The following TCERG1L variants were observed in gnomAD, a reference collection of about 807,000 sequenced individuals.
TCERG1L encodes the protein transcription elongation regulator 1-like protein.
In TCERG1L, 37 loss-of-function variants were observed where a neutral mutation model predicts 56.3. The ratio of observed to expected loss-of-function variants is 0.66; its 90% CI spans 0.51 to 0.87. TCERG1L has a LOEUF of 0.87. TCERG1L is among the 40% of genes least tolerant of loss of function. The probability of loss-of-function intolerance (pLI) is 0.00; values close to 1 mark genes in which losing one functional copy is unlikely to be tolerated. For missense variants in TCERG1L, 799 were observed against 774.2 expected (o/e 1.03, Z -0.38); for synonymous variants, 324 against 326.3 (o/e 0.99, Z 0.08).
At chr10:131,185,392 C>T (rs1259261819) in intron 4 of TCERG1L, among the ~76,000 whole-genome samples, 11 of 152,054 alleles carry the variant, frequency 7.2e-5, no homozygotes, top group Admixed American at 7.2e-4. Flanking sequence ...AACTGCATCT[C>T]ATCAAAATTA....
At chr10:131,230,995 C>T (rs934191989) in intron 4 of TCERG1L, among the ~76,000 whole-genome samples, 2 of 134,584 alleles carry the variant, frequency 1.5e-5, no homozygotes, top group African/African-American at 7.6e-5. Flanking sequence ...GTTTAGGGTA[C>T]CCCTGAGCAC....
At chr10:131,095,059 A>G (rs1164881861) in intron 11 of TCERG1L, among the ~76,000 whole-genome samples, 2 of 152,214 alleles carry the variant, frequency 1.3e-5, no homozygotes, top group Non-Finnish European at 2.9e-5. Context: ...CACGAAGGTC[A>G]GCTGATTCAC....
At chr10:131,257,259 T>A (rs1292680049) in intron 4 of TCERG1L, among the ~76,000 whole-genome samples, 3 of 151,926 alleles carry the variant, frequency 2.0e-5, no homozygotes, top group Non-Finnish European at 4.4e-5. Flanking sequence ...CAGATCCCCG[T>A]GAAGCAGAGG....
chr10:131,281,993 A>G (rs533753569), intron 3 of TCERG1L, among the ~76,000 whole-genome samples: 32 of 152,032 alleles, frequency 2.1e-4, no homozygotes, highest in Non-Finnish European at 2.4e-4. Flanking sequence ...AAAATTAGCC[A>G]GGCGCGGTGG....
At chr10:131,200,865 G>A (rs1019620276) in intron 4 of TCERG1L, among the ~76,000 whole-genome samples, 2 of 152,100 alleles carry the variant, frequency 1.3e-5, no homozygotes, top group Admixed American at 6.5e-5. Context: ...TTTAGGAGTC[G>A]CTTAGATCAC....
chr10:131,215,609 T>C (rs1845662455), intron 4 of TCERG1L, among the ~76,000 whole-genome samples: 2 of 152,090 alleles, frequency 1.3e-5, no homozygotes, highest in African/African-American at 2.4e-5. Context: ...TCGGGAGAGT[T>C]AGGCTCTGAG....
At chr10:131,278,998 G>A (rs866408912) in intron 3 of TCERG1L, among the ~76,000 whole-genome samples, 19 of 152,076 alleles carry the variant, frequency 1.2e-4, no homozygotes, top group South Asian at 2.1e-4. Context: ...GAGAAAGTCC[G>A]TCTCCCTCAC....
chr10:131,291,717 C>T (rs71478081), intron 3 of TCERG1L, among the ~76,000 whole-genome samples: 11,821 of 151,798 alleles, frequency 0.078, 574 homozygotes, highest in South Asian at 0.22. Context: ...TGAGCCACCG[C>T]GCCCGGCCTC....
At chr10:131,115,321 G>A (rs77424025) in intron 9 of TCERG1L, among the ~76,000 whole-genome samples, 1,964 of 152,342 alleles carry the variant, frequency 0.013, 45 homozygotes, top group African/African-American at 0.045. Context: ...AGACCAAGTT[G>A]GGAGAAACTA....
chr10:131,285,484 G>T (rs1846516698), intron 3 of TCERG1L, among the ~76,000 whole-genome samples: 1 of 17,564 alleles, frequency 5.7e-5, no homozygotes, highest in Non-Finnish European at 1.8e-4. Context: ...AAGAAAGAAA[G>T]AAAGAAAGAA....
intron 3 of TCERG1L, among the ~76,000 whole-genome samples, chr10:131,274,404 A>C (rs1450620203): frequency 6.6e-6 from 1 of 152,184 alleles, no homozygotes; most frequent in Non-Finnish European, 1.5e-5. Context: ...ATGAAAACTG[A>C]GATCAGCCGA....
chr10:131,176,198 G>T (rs1182665395), intron 4 of TCERG1L, among the ~76,000 whole-genome samples: 1 of 152,068 alleles, frequency 6.6e-6, no homozygotes. Flanking sequence ...AGGGCCTCTG[G>T]TGCCCATCCG....
At chr10:131,242,780 T>A (rs1378667661) in intron 4 of TCERG1L, among the ~76,000 whole-genome samples, 1 of 152,196 alleles carries the variant, frequency 6.6e-6, no homozygotes, top group East Asian at 1.9e-4. Flanking sequence ...TGGATGAGGA[T>A]GCTGCACCTG....
intron 4 of TCERG1L, among the ~76,000 whole-genome samples, chr10:131,254,921 G>C (rs1052249931): frequency 2.6e-5 from 4 of 152,222 alleles, no homozygotes; most frequent in African/African-American, 9.6e-5. Flanking sequence ...GAGCGGTGAG[G>C]CTTGAGGGGT....
chr10:131,155,551 G>A (rs1845910397), intron 6 of TCERG1L, among the ~76,000 whole-genome samples: 1 of 152,168 alleles, frequency 6.6e-6, no homozygotes, highest in African/African-American at 2.4e-5. Flanking sequence ...GAGTTCAAAC[G>A]GGATGTCACC....
At chr10:131,268,217 C>T (rs1214572170) in intron 3 of TCERG1L, among the ~76,000 whole-genome samples, 1 of 152,222 alleles carries the variant, frequency 6.6e-6, no homozygotes, top group Non-Finnish European at 1.5e-5. Context: ...ATCTTGGAAG[C>T]AGCCACTCTA....
chr10:131,165,468 G>C (rs779921270), intron 5 of TCERG1L, among the ~76,000 whole-genome samples: 2 of 152,068 alleles, frequency 1.3e-5, no homozygotes, highest in Non-Finnish European at 2.9e-5. Flanking sequence ...ATTTTTACAG[G>C]TTTTCTAGTA....
At chr10:131,225,665 C>A (rs762056519) in intron 4 of TCERG1L, among the ~76,000 whole-genome samples, 1 of 152,154 alleles carries the variant, frequency 6.6e-6, no homozygotes, top group Non-Finnish European at 1.5e-5. Flanking sequence ...GCAGAGGACA[C>A]AGACCACATG....
intron 8 of TCERG1L, among the ~76,000 whole-genome samples, chr10:131,128,225 G>C (rs900433076): frequency 1.1e-4 from 17 of 152,148 alleles, no homozygotes; most frequent in Non-Finnish European, 1.6e-4. Flanking sequence ...AGAAGGAATA[G>C]AAAGTGGGAA....
Sources: allele counts gnomAD v4.1 joint callset (sites outside exome capture counted in the v4.1 genomes callset), GRCh38; gene constraint gnomAD v4.1.1; transcripts MANE v1.5; gene names NCBI Gene and HGNC (gene_info 2026-07-23, HGNC 2026-07-21).